The following DAB1 variants were observed in gnomAD, a reference collection of about 807,000 sequenced individuals.
The protein encoded by DAB1 is DAB adaptor protein 1.
A neutral mutation model predicts 64.6 loss-of-function variants in DAB1; 15 were observed. The ratio of observed to expected loss-of-function variants is 0.23; its 90% CI spans 0.16 to 0.36. DAB1 has a LOEUF of 0.36. Among genes scored for constraint, DAB1 ranks in the 10% least tolerant of loss-of-function variants. The probability of loss-of-function intolerance (pLI) is 1.00; values close to 1 mark genes in which losing one functional copy is unlikely to be tolerated. For missense variants in DAB1, 596 were observed against 706.7 expected (o/e 0.84, Z 1.78); for synonymous variants, 235 against 251.9 (o/e 0.93, Z 0.64).
intron 1 of DAB1, among the ~76,000 whole-genome samples, chr1:57,298,147 A>G (rs1359780463): frequency 6.6e-6 from 1 of 151,924 alleles, no homozygotes; most frequent in African/African-American, 2.4e-5. Context: ...TTTTAATGTC[A>G]AAGGCTATCT....
chr1:58,128,269 T>C (rs1653272973), intron 5 of DAB1, among the ~76,000 whole-genome samples: 1 of 151,278 alleles, frequency 6.6e-6, no homozygotes, highest in East Asian at 2.0e-4. Flanking sequence ...TTGTCTGTTG[T>C]TGGTGTATAA....
At chr1:57,937,616 A>G (rs1645045255) in intron 5 of DAB1, among the ~76,000 whole-genome samples, 2 of 152,338 alleles carry the variant, frequency 1.3e-5, no homozygotes, top group South Asian at 4.1e-4. Context: ...ACTAAGAGAC[A>G]GAGCTTTTAT....
chr1:57,422,471 T>C (rs1343575120), intron 1 of DAB1, among the ~76,000 whole-genome samples: 1 of 151,942 alleles, frequency 6.6e-6, no homozygotes, highest in Non-Finnish European at 1.5e-5. Flanking sequence ...AACACAGGCG[T>C]GCGCCGACAT....
intron 6 of DAB1, among the ~76,000 whole-genome samples, chr1:57,723,932 C>G (rs894320212): frequency 6.6e-6 from 1 of 152,110 alleles, no homozygotes; most frequent in Non-Finnish European, 1.5e-5. Context: ...AAGAAAAAAA[C>G]CTGTAACTAT....
At chr1:57,057,199 C>G (rs1172636082) in intron 9 of DAB1, among the ~76,000 whole-genome samples, 1 of 151,792 alleles carries the variant, frequency 6.6e-6, no homozygotes, top group East Asian at 1.9e-4. Context: ...GAGAAGGCAA[C>G]AAAAAACAAA....
At chr1:57,735,618 T>TG in intron 6 of DAB1, among the ~76,000 whole-genome samples, 1 of 133,928 alleles carries the variant, frequency 7.5e-6, no homozygotes, top group Non-Finnish European at 1.7e-5. Flanking sequence ...TGTTTTTTTT[T>TG]TTTTTTTTTT....
intron 2 of DAB1, among the ~76,000 whole-genome samples, chr1:57,146,358 T>C (rs968302930): frequency 1.3e-5 from 2 of 152,226 alleles, no homozygotes; most frequent in Non-Finnish European, 2.9e-5. Flanking sequence ...GTCTGGACAT[T>C]GTACAGTTGG....
intron 7 of DAB1, among the ~76,000 whole-genome samples, chr1:57,502,907 T>C (rs1570578399): frequency 6.6e-6 from 1 of 152,320 alleles, no homozygotes; most frequent in East Asian, 1.9e-4. Flanking sequence ...TTGAAACCAG[T>C]AATAATAGAT....
At chr1:58,337,988 C>CTA (rs10674883) in intron 4 of DAB1, among the ~76,000 whole-genome samples, 13,883 of 149,674 alleles carry the variant, frequency 0.093, 798 homozygotes, top group Non-Finnish European at 0.13. Flanking sequence ...GTTTTTTCCA[C>CTA]TATATATATA....
intron 2 of DAB1, among the ~76,000 whole-genome samples, chr1:57,274,526 T>A (rs1330053830): frequency 6.6e-6 from 1 of 152,180 alleles, no homozygotes; most frequent in African/African-American, 2.4e-5. Context: ...TTGTTATTGG[T>A]TTTTTCATGC....
At chr1:57,359,083 T>C (rs1679349121) in intron 1 of DAB1, among the ~76,000 whole-genome samples, 1 of 151,994 alleles carries the variant, frequency 6.6e-6, no homozygotes, top group African/African-American at 2.4e-5. Context: ...AGGTAACGAA[T>C]AGACAAATGA....
At chr1:58,405,000 C>A (rs560040354) in intron 3 of DAB1, among the ~76,000 whole-genome samples, 4 of 152,292 alleles carry the variant, frequency 2.6e-5, no homozygotes, top group African/African-American at 9.6e-5. Context: ...GCATCCTAAT[C>A]CCCTGTGGTC....
chr1:57,204,474 C>CTT (rs1665379373), intron 2 of DAB1, among the ~76,000 whole-genome samples: 1 of 146,946 alleles, frequency 6.8e-6, no homozygotes, highest in Non-Finnish European at 1.5e-5. Context: ...AAAAAAAGGA[C>CTT]TTGTATAGAT....
chr1:57,130,741 G>T (rs1281143208), intron 4 of DAB1, among the ~76,000 whole-genome samples: 1 of 151,824 alleles, frequency 6.6e-6, no homozygotes, highest in African/African-American at 2.4e-5. Context: ...AGGGAGGGTT[G>T]GGTGGGGAGA....
intron 4 of DAB1, among the ~76,000 whole-genome samples, chr1:58,288,040 A>AAG (rs1661732477): frequency 1.6e-5 from 2 of 123,962 alleles, no homozygotes; most frequent in Admixed American, 8.3e-5. Context: ...AAAAAAAAAA[A>AAG]AAAAAGAAAA....
chr1:58,499,323 A>C (rs1645859502), intron 3 of DAB1, among the ~76,000 whole-genome samples: 1 of 150,600 alleles, frequency 6.6e-6, no homozygotes, highest in Admixed American at 6.6e-5. Flanking sequence ...ACAAAAAAAA[A>C]AAAAAAAAAA....
At chr1:58,482,208 AAG>A (rs1645499001) in intron 3 of DAB1, among the ~76,000 whole-genome samples, 1 of 152,230 alleles carries the variant, frequency 6.6e-6, no homozygotes, top group South Asian at 2.1e-4. Flanking sequence ...TGACACTGGA[AAG>A]AGAGGGCTTA....
intron 5 of DAB1, among the ~76,000 whole-genome samples, chr1:57,907,194 A>T (rs1175723659): frequency 1.3e-5 from 2 of 152,212 alleles, no homozygotes; most frequent in Non-Finnish European, 2.9e-5. Context: ...TTATCAGGAC[A>T]TAAGCAGGGC....
chr1:57,680,143 T>C (rs1447844168), intron 6 of DAB1, among the ~76,000 whole-genome samples: 2 of 152,200 alleles, frequency 1.3e-5, no homozygotes, highest in African/African-American at 4.8e-5. Context: ...CAGCACTAGG[T>C]GGCAGCTACA....
Sources: gnomAD v4.1 joint callset for allele counts (sites outside exome capture counted in the v4.1 genomes callset) on GRCh38, gnomAD v4.1.1 for gene constraint, MANE v1.5 for transcripts, NCBI Gene and HGNC (gene_info 2026-07-23, HGNC 2026-07-21) for gene names.